Variants in NXPH1 observed in about 807,000 individuals in gnomAD.
NXPH1 encodes the protein neurexophilin-1.
A neutral mutation model predicts 23.7 loss-of-function variants in NXPH1; 5 were observed. That is an observed-to-expected ratio of 0.21 (90% confidence interval 0.11 to 0.44). The LOEUF (loss-of-function observed/expected upper bound fraction) is 0.44. Ranked by LOEUF, NXPH1 falls within the 20% of genes least tolerant of loss-of-function variation. The pLI is 0.99. For synonymous variants in NXPH1, 144 were observed against 122.2 expected, an observed-to-expected ratio of 1.18 and a Z score of -1.18; for missense variants, 324 against 321.6, an observed-to-expected ratio of 1.01 and a Z score of -0.06.
chr7:8,672,575 G>A lies in NXPH1; in HGVS notation c.55-78433G>A, dbSNP rs143407605. ...TGAAAGACAAATCCAATACAGTCTTGTCTAATTGTTTTTTAATCTCTATAC... is the reference window on the plus strand; with the variant it reads ...TGAAAGACAAATCCAATACAGTCTTATCTAATTGTTTTTTAATCTCTATAC... On this transcript the variant is annotated intron_variant, in intron 2 of 2. Coordinates refer to ENST00000405863, the MANE Select transcript of NXPH1 (RefSeq NM_152745.3). Among the ~76,000 whole-genome samples, 872 of 152,052 alleles carry A rather than the reference G, an allele frequency of 5.7e-3. 9 individuals carry two copies. Among genetic ancestry groups the A allele is most frequent in the African/African-American group, 0.02 (818 of 41,498 alleles).
At chr7:8,531,892 C>T (rs1348384380) in intron 2 of NXPH1, among the ~76,000 whole-genome samples, 4 of 152,152 alleles carry the variant, frequency 2.6e-5, no homozygotes, top group Non-Finnish European at 1.5e-5. Flanking sequence ...GTAGGTATCT[C>T]ACATATGGTT....
intron 2 of NXPH1, among the ~76,000 whole-genome samples, chr7:8,555,017 T>C (rs1469148039): frequency 1.3e-5 from 2 of 151,602 alleles, no homozygotes; most frequent in Non-Finnish European, 3.0e-5. Flanking sequence ...AGCTTGATAG[T>C]AGGGAAGGGC....
chr7:8,562,234 A>G (rs1031548463), intron 2 of NXPH1, among the ~76,000 whole-genome samples: 3 of 151,734 alleles, frequency 2.0e-5, no homozygotes, highest in Non-Finnish European at 4.4e-5. Context: ...AAGAGATTGA[A>G]GAGGCTTTTT....
intron 2 of NXPH1, among the ~76,000 whole-genome samples, chr7:8,684,961 A>G (rs921107268): frequency 6.6e-6 from 1 of 152,150 alleles, no homozygotes; most frequent in East Asian, 1.9e-4. Context: ...GCCATGTTGC[A>G]CTGTATAACT....
At chr7:8,680,001 A>G (rs148918706) in intron 2 of NXPH1, among the ~76,000 whole-genome samples, 2,203 of 152,358 alleles carry the variant, frequency 0.014, 49 homozygotes, top group African/African-American at 0.05. Context: ...AGACTGGGCA[A>G]CAGAGCGAGA....
intron 2 of NXPH1, among the ~76,000 whole-genome samples, chr7:8,554,796 T>C (rs1289074936): frequency 6.6e-6 from 1 of 151,722 alleles, no homozygotes; most frequent in African/African-American, 2.4e-5. Flanking sequence ...GTTACGTTTG[T>C]AACAGTATGT....
intron 2 of NXPH1, among the ~76,000 whole-genome samples, chr7:8,437,744 A>G (rs542849654): frequency 6.6e-6 from 1 of 152,372 alleles, no homozygotes; most frequent in South Asian, 2.1e-4. Context: ...ATTCTCCTTT[A>G]ATTGTAAACT....
chr7:8,598,529 T>C (rs758433607), intron 2 of NXPH1, among the ~76,000 whole-genome samples: 1 of 152,104 alleles, frequency 6.6e-6, no homozygotes, highest in Non-Finnish European at 1.5e-5. Flanking sequence ...GGCCCTTGCT[T>C]GGTTATTCCT....
At chr7:8,664,915 G>T (rs966502311) in intron 2 of NXPH1, among the ~76,000 whole-genome samples, 7 of 151,720 alleles carry the variant, frequency 4.6e-5, no homozygotes, top group African/African-American at 1.5e-4. Flanking sequence ...TGTATATTTT[G>T]TGTTTTAATC....
intron 2 of NXPH1, among the ~76,000 whole-genome samples, chr7:8,739,195 A>AC (rs1780318505): frequency 3.0e-5 from 4 of 132,816 alleles, no homozygotes; most frequent in African/African-American, 7.7e-5. Flanking sequence ...AAAAAAAAAA[A>AC]AAAAAAAAAC....
At chr7:8,608,752 A>G (rs185180173) in intron 2 of NXPH1, among the ~76,000 whole-genome samples, 133 of 152,256 alleles carry the variant, frequency 8.7e-4, no homozygotes, top group African/African-American at 2.9e-3. Context: ...ATAAACTCCA[A>G]AGAAGAATCC....
In NXPH1 at chr7:8,534,536, T is replaced by C. The variant is rs138742235; in HGVS notation, c.54+98769T>C. On this transcript the variant is annotated intron_variant, in intron 2 of 2. Coordinates refer to ENST00000405863, the MANE Select transcript of NXPH1 (RefSeq NM_152745.3). ...GATAGGAGGCTCTGGAATGAAGGTA[T>C]TTCATATCTCATATAAAAGCATAGT... Among the ~76,000 whole-genome samples, 529 of 152,228 alleles carry C rather than the reference T, an allele frequency of 3.5e-3. 1 individual carries two copies. Among genetic ancestry groups the C allele is most frequent in the African/African-American group, 0.012 (500 of 41,538 alleles).
chr7:8,700,893 AT>A (rs1225396902), intron 2 of NXPH1, among the ~76,000 whole-genome samples: 2 of 152,118 alleles, frequency 1.3e-5, no homozygotes, highest in African/African-American at 4.8e-5. Context: ...TAAAGTGAGA[AT>A]ATTTTTATAT....
intron 2 of NXPH1, among the ~76,000 whole-genome samples, chr7:8,521,557 G>C (rs554270924): frequency 6.6e-6 from 1 of 152,322 alleles, no homozygotes; most frequent in East Asian, 1.9e-4. Context: ...AGCATTGCCA[G>C]ATGGAGGGAG....
At chr7:8,508,761 G>C (rs765070741) in intron 2 of NXPH1, among the ~76,000 whole-genome samples, 1 of 151,972 alleles carries the variant, frequency 6.6e-6, no homozygotes, top group Non-Finnish European at 1.5e-5. Context: ...ACTGTTTGTT[G>C]CATCAATGAA....
intron 2 of NXPH1, among the ~76,000 whole-genome samples, chr7:8,691,791 T>C (rs552717796): frequency 5.1e-4 from 77 of 152,302 alleles, no homozygotes; most frequent in African/African-American, 1.8e-3. Context: ...GTTTAAATTT[T>C]AAATAGGGAA....
chr7:8,641,925 A>G (rs1820320581), intron 2 of NXPH1, among the ~76,000 whole-genome samples: 1 of 152,210 alleles, frequency 6.6e-6, no homozygotes, highest in Non-Finnish European at 1.5e-5. Context: ...CTACAATAAA[A>G]TCAAATGCCA....
chr7:8,622,095 T>C (rs116646164), intron 2 of NXPH1, among the ~76,000 whole-genome samples: 70 of 152,318 alleles, frequency 4.6e-4, no homozygotes, highest in African/African-American at 1.4e-3. Context: ...AATTACTAGA[T>C]TTCAGGCATT....
intron 2 of NXPH1, among the ~76,000 whole-genome samples, chr7:8,648,616 C>T (rs1820434599): frequency 6.6e-6 from 1 of 152,184 alleles, no homozygotes; most frequent in Admixed American, 6.5e-5. Flanking sequence ...AACAGTGTTG[C>T]AACAAACATG....
Sources: gnomAD v4.1 joint callset for allele counts (sites outside exome capture counted in the v4.1 genomes callset) on GRCh38, gnomAD v4.1.1 for gene constraint, MANE v1.5 for transcripts, NCBI Gene and HGNC (gene_info 2026-07-23, HGNC 2026-07-21) for gene names.